Variants in SPDYE2 observed in about 807,000 individuals in gnomAD.
SPDYE2 encodes speedy/RINGO cell cycle regulator family member E2, also known as speedy protein E2.
For synonymous variants in SPDYE2, 2 were observed against 45.1 expected (o/e 0.04, Z 3.83); for missense variants, 1 against 121.0 (o/e 0.01, Z 4.65).
chr7:102,563,113 G>A (rs1280446713), exon 9 of SPDYE2: 1 of 148,104 alleles, frequency 6.8e-6, no homozygotes, highest in Non-Finnish European at 1.5e-5. Flanking sequence ...CTATAAAGCT[G>A]TGTGATGGAT....
chr7:102,563,127 A>G (rs1800938973), exon 9 of SPDYE2: 1 of 147,320 alleles, frequency 6.8e-6, no homozygotes, highest in African/African-American at 2.5e-5. Flanking sequence ...GATGGATATT[A>G]TAACTGTTAT....
exon 9 of SPDYE2, chr7:102,563,051 A>T (rs1459552207): frequency 6.7e-6 from 1 of 149,182 alleles, no homozygotes; most frequent in African/African-American, 2.4e-5. Context: ...ATTACTTTAA[A>T]TATTATTTTA....
chr7:102,562,997 T>G (rs1800931735), exon 9 of SPDYE2: 1 of 148,440 alleles, frequency 6.7e-6, no homozygotes, highest in Admixed American at 6.7e-5. Context: ...TTATTTTATT[T>G]ATTTAAATAT....
chr7:102,563,064 T>G (rs1800936363), exon 9 of SPDYE2: 1 of 149,120 alleles, frequency 6.7e-6, no homozygotes, highest in African/African-American at 2.4e-5. Flanking sequence ...TTATTTTAAA[T>G]ATTTTGGAAA....
chr7:102,563,070 G>C (rs1208889024), exon 9 of SPDYE2: 1 of 148,512 alleles, frequency 6.7e-6, no homozygotes, highest in Non-Finnish European at 1.5e-5. Context: ...TAAATATTTT[G>C]GAAATACTGG....
intron 1 of SPDYE2, among the ~76,000 whole-genome samples, chr7:102,551,645 GTTCTTTA>G: frequency 1.3e-5 from 1 of 74,096 alleles, no homozygotes; most frequent in South Asian, 5.4e-4. Context: ...TCACTCGCAG[GTTCTTTA>G]TTTTTTTTGA....
chr7:102,557,446 G>A (rs1800837842), intron 5 of SPDYE2, among the ~76,000 whole-genome samples: 5 of 131,366 alleles, frequency 3.8e-5, no homozygotes, highest in Middle Eastern at 3.8e-3. Flanking sequence ...CACTGCAGCC[G>A]ATGCGTCCTG....
downstream of SPDYE2, chr7:102,564,708 G>T (rs578092164): frequency 1.0e-3 from 160 of 155,218 alleles, no homozygotes; most frequent in Non-Finnish European, 1.7e-3. Context: ...TTCTTTTTGG[G>T]GGGGATGGAG....
At chr7:102,559,830 G>A (rs1800873039) in intron 6 of SPDYE2, among the ~76,000 whole-genome samples, 1 of 27,304 alleles carries the variant, frequency 3.7e-5, no homozygotes, top group South Asian at 6.7e-4. Flanking sequence ...CCAAGCTGGA[G>A]TGCAGTGGTG....
downstream of SPDYE2, chr7:102,564,938 G>A (rs1462981575): frequency 1.4e-5 from 2 of 141,576 alleles, no homozygotes; most frequent in Admixed American, 7.3e-5. Context: ...TGATCTGCCC[G>A]CCTTGGCCTC....
At chr7:102,554,490 A>T (rs1407752614) in exon 3 of SPDYE2, 1 of 1,596,636 alleles carries the variant, frequency 6.3e-7, no homozygotes, top group African/African-American at 1.3e-5. Flanking sequence ...GGTAGTGGAG[A>T]TGCTGTGTGG....
chr7:102,561,426 G>A (rs1800898139), intron 8 of SPDYE2: 1 of 91,330 alleles, frequency 1.1e-5, no homozygotes, highest in Non-Finnish European at 3.0e-5. Context: ...GCTGGAGCCT[G>A]GAAGGTCGGG....
chr7:102,564,695 T>C (rs1800996246), downstream of SPDYE2: 1 of 154,028 alleles, frequency 6.5e-6, no homozygotes. Context: ...TTTTTTGTCT[T>C]TTTTCTTTTT....
chr7:102,563,353 T>C (rs1172310747), exon 9 of SPDYE2: 80 of 107,358 alleles, frequency 7.5e-4, no homozygotes, highest in Non-Finnish European at 1.3e-3. Flanking sequence ...ATATTTCATA[T>C]ATATTTGAAA....
At chr7:102,564,679 A>T (rs1210724299), downstream of SPDYE2, 1 of 153,794 alleles carries the variant, frequency 6.5e-6, no homozygotes, top group African/African-American at 2.4e-5. Context: ...TGTGTGACAC[A>T]ATTTTTTTTT....
At chr7:102,564,530 G>A (rs1469540120), downstream of SPDYE2, 2 of 148,494 alleles carry the variant, frequency 1.3e-5, no homozygotes, top group East Asian at 2.0e-4. Flanking sequence ...TTTTGGAGTT[G>A]GGGTCTTGCG....
intron 3 of SPDYE2, among the ~76,000 whole-genome samples, chr7:102,555,130 G>A (rs1800737930): frequency 2.1e-5 from 3 of 144,102 alleles, no homozygotes; most frequent in South Asian, 2.2e-4. Context: ...CTACTCAGGA[G>A]GCTGAGACAG....
chr7:102,557,507 A>G (rs1265626412), intron 5 of SPDYE2, among the ~76,000 whole-genome samples: 1 of 88,002 alleles, frequency 1.1e-5, no homozygotes, highest in Non-Finnish European at 2.2e-5. Flanking sequence ...GATTACAGAC[A>G]TGAACCACCA....
chr7:102,555,211 T>G (rs1586812283), intron 3 of SPDYE2, among the ~76,000 whole-genome samples: 1 of 98,618 alleles, frequency 1.0e-5, no homozygotes. Context: ...CCATTCTGGG[T>G]GAGAGAGTGA....
Sources: allele counts gnomAD v4.1 joint callset (sites outside exome capture counted in the v4.1 genomes callset), GRCh38; gene constraint gnomAD v4.1.1; transcripts MANE v1.5; gene names NCBI Gene and HGNC (gene_info 2026-07-23, HGNC 2026-07-21).